OPRM1: variants seen among roughly 807,000 people sequenced by gnomAD.
The protein encoded by OPRM1 is opioid receptor mu 1, also known as mu-type opioid receptor.
A neutral mutation model predicts 31.8 loss-of-function variants in OPRM1; 27 were observed. The observed-to-expected ratio is 0.85, with a 90% CI of 0.63 to 1.17. The LOEUF is 1.17. Among genes scored for constraint, OPRM1 ranks in the 50% most tolerant of loss-of-function variants. The pLI is 0.00. For synonymous variants in OPRM1, 196 were observed against 189.9 expected (o/e 1.03, Z -0.26); for missense variants, 536 against 511.1 (o/e 1.05, Z -0.47).
At chr6:154,022,068 A>G (rs1320072555) in intron 1 of OPRM1, among the ~76,000 whole-genome samples, 1 of 152,220 alleles carries the variant, frequency 6.6e-6, no homozygotes, top group East Asian at 1.9e-4. Context: ...TCTTAGTGGG[A>G]AAGCTTCAAT....
At chr6:154,164,279 C>T (rs1239745646) in intron 3 of OPRM1, among the ~76,000 whole-genome samples, 2 of 152,184 alleles carry the variant, frequency 1.3e-5, no homozygotes, top group Non-Finnish European at 2.9e-5. Flanking sequence ...GTCTCTTCAA[C>T]TTTGGGCATT....
At chr6:154,220,016 GTGTGT>G (rs1239883137) in intron 3 of OPRM1, among the ~76,000 whole-genome samples, 1 of 151,864 alleles carries the variant, frequency 6.6e-6, no homozygotes, top group Non-Finnish European at 1.5e-5. Flanking sequence ...GTGTGTGTGT[GTGTGT>G]GTGTGTGTCC....
At chr6:154,036,309 T>C (rs1015238410), upstream of OPRM1, among the ~76,000 whole-genome samples, 3 of 152,166 alleles carry the variant, frequency 2.0e-5, no homozygotes, top group Admixed American at 6.5e-5. Flanking sequence ...TACCAAGATA[T>C]AAATGTTAAA....
intron 3 of OPRM1, among the ~76,000 whole-genome samples, chr6:154,231,943 C>T (rs1779757346): frequency 2.0e-5 from 3 of 152,202 alleles, no homozygotes; most frequent in African/African-American, 2.4e-5. Context: ...ATAATCATTG[C>T]TCTGAAAGAC....
At chr6:154,140,565 G>T (rs1276733370) in intron 3 of OPRM1, among the ~76,000 whole-genome samples, 1 of 152,054 alleles carries the variant, frequency 6.6e-6, no homozygotes, top group Admixed American at 6.6e-5. Flanking sequence ...CCTGACTTCA[G>T]GTGATCCGCC....
chr6:154,041,820 T>C (rs2128399005), intron 1 of OPRM1, among the ~76,000 whole-genome samples: 1 of 152,278 alleles, frequency 6.6e-6, no homozygotes, highest in East Asian at 1.9e-4. Flanking sequence ...ATCTGAAACA[T>C]AATATTTTAT....
chr6:154,226,809 C>A (rs1008013249), intron 3 of OPRM1, among the ~76,000 whole-genome samples: 11 of 152,100 alleles, frequency 7.2e-5, no homozygotes, highest in African/African-American at 2.7e-4. Context: ...GATGAAAGAC[C>A]CTTTATAATC....
intron 3 of OPRM1, among the ~76,000 whole-genome samples, chr6:154,140,952 G>T (rs1006245091): frequency 6.6e-6 from 1 of 152,154 alleles, no homozygotes; most frequent in East Asian, 1.9e-4. Flanking sequence ...AATGACTCAC[G>T]TATGGCCCCA....
chr6:154,201,027 T>C (rs1030027550), intron 3 of OPRM1, among the ~76,000 whole-genome samples: 3 of 152,154 alleles, frequency 2.0e-5, no homozygotes, highest in African/African-American at 7.2e-5. Flanking sequence ...TGAGATCTGA[T>C]AGTTTAAAAG....
intron 1 of OPRM1, among the ~76,000 whole-genome samples, chr6:154,072,688 AG>A (rs1176055485): frequency 6.6e-6 from 1 of 152,240 alleles, no homozygotes; most frequent in Non-Finnish European, 1.5e-5. Context: ...GATATTTTAA[AG>A]GGCCCTATTA....
intron 3 of OPRM1, among the ~76,000 whole-genome samples, chr6:154,097,768 C>T (rs1021944108): frequency 6.6e-6 from 1 of 151,804 alleles, no homozygotes; most frequent in Non-Finnish European, 1.5e-5. Context: ...TGTGTTTATC[C>T]CTAGAAAAAT....
intron 1 of OPRM1, chr6:154,087,433 G>C (rs1474215352): frequency 7.1e-6 from 7 of 985,318 alleles, no homozygotes; most frequent in African/African-American, 1.7e-5. Flanking sequence ...AAAAGGAATT[G>C]ATGGCACCGT....
chr6:154,086,097 C>T (rs1205240327), intron 1 of OPRM1, among the ~76,000 whole-genome samples: 1 of 152,090 alleles, frequency 6.6e-6, no homozygotes, highest in Non-Finnish European at 1.5e-5. Context: ...CTCAGCCTCC[C>T]AAAGTGCTGG....
rs532608887 is a variant in OPRM1, at chr6:154,214,379, C to T, written c.1165-32314C>T. On this transcript the variant is annotated intron_variant, in intron 3 of 3. Coordinates refer to the OPRM1 transcript ENST00000337049. The stretch of plus-strand genomic sequence containing the variant: ...TGAAATTAGGTCATGATTCTACCAT[C>T]AGTCTGCACATTTCCAGAAAGAGCA... 545 of 822,128 alleles carry T rather than the reference C, an allele frequency of 6.6e-4. 4 individuals are homozygous for T. In the African/African-American group the frequency reaches 8.4e-3, roughly 13 times the overall value. The allele number at this position is 822,128 out of a possible 1,614,324, so 50.9% of individuals were successfully genotyped here. A position where few individuals can be genotyped will look rare whatever the true frequency, so the allele number is the denominator to read the frequency against.
rs543543842 is a variant in OPRM1 at position 154,071,255 on chromosome 6, C to T, written c.291-18571C>T. On this transcript the variant is annotated intron_variant, in intron 1 of 3. Transcript: ENST00000330432. ...GCTCATTAAAAAGGTGAGATGGTAT[C>T]CAACACTAGCTTTCATACCCCCAGG... Among the ~76,000 whole-genome samples, 26 of 152,264 alleles carry T rather than the reference C, an allele frequency of 1.7e-4. 1 individual carries two copies. Among genetic ancestry groups the T allele is most frequent in the African/African-American group, 5.8e-4 (24 of 41,566 alleles).
intron 3 of OPRM1, among the ~76,000 whole-genome samples, chr6:154,243,907 T>C (rs909874936): frequency 6.6e-6 from 1 of 152,158 alleles, no homozygotes; most frequent in African/African-American, 2.4e-5. Context: ...AATGAGAGCA[T>C]ATATGCAAGG....
chr6:154,085,957 C>T (rs1790454438), intron 1 of OPRM1, among the ~76,000 whole-genome samples: 1 of 141,826 alleles, frequency 7.1e-6, no homozygotes. Context: ...GTACGATTCT[C>T]CTGCCTCAGC....
intron 3 of OPRM1, among the ~76,000 whole-genome samples, chr6:154,170,220 G>T (rs919142742): frequency 2.0e-5 from 3 of 152,144 alleles, no homozygotes; most frequent in Non-Finnish European, 4.4e-5. Flanking sequence ...AATACAATGA[G>T]ATTTCTTTTT....
At chr6:154,106,126 T>A (rs1167561624) in intron 3 of OPRM1, among the ~76,000 whole-genome samples, 1 of 146,626 alleles carries the variant, frequency 6.8e-6, no homozygotes, top group African/African-American at 2.8e-5. Context: ...AATCTTTAGA[T>A]TTTTTTCTTA....
Sources: gnomAD v4.1 joint callset for allele counts (sites outside exome capture counted in the v4.1 genomes callset) on GRCh38, gnomAD v4.1.1 for gene constraint, MANE v1.5 for transcripts, NCBI Gene and HGNC (gene_info 2026-07-23, HGNC 2026-07-21) for gene names.